The following GXYLT2 variants were observed in gnomAD, a reference collection of about 807,000 sequenced individuals.
GXYLT2 encodes the protein glycosyltransferase 8 domain containing 4.
In GXYLT2, 53 loss-of-function variants were observed where a neutral mutation model predicts 45.8. The observed-to-expected ratio is 1.16, with a 90% CI of 0.93 to 1.46. The LOEUF is 1.46. Among genes scored for constraint, GXYLT2 ranks in the 40% most tolerant of loss-of-function variants. The pLI, the probability that GXYLT2 is intolerant of heterozygous loss-of-function variation, is 0.00. For missense variants in GXYLT2, 551 were observed against 544.4 expected (o/e 1.01, Z -0.12); for synonymous variants, 219 against 214.2 (o/e 1.02, Z -0.19).
intron 3 of GXYLT2, among the ~76,000 whole-genome samples, chr3:72,953,331 A>G (rs2107139170): frequency 6.6e-6 from 1 of 152,140 alleles, no homozygotes; most frequent in Non-Finnish European, 1.5e-5. Context: ...TCTCTGTCGC[A>G]CAGGCTGGAG....
chr3:72,899,641 C>G (rs771479509), intron 1 of GXYLT2, among the ~76,000 whole-genome samples: 2 of 152,108 alleles, frequency 1.3e-5, no homozygotes, highest in Non-Finnish European at 2.9e-5. Flanking sequence ...CTCTCAACTG[C>G]CAACACTTGA....
intron 1 of GXYLT2, among the ~76,000 whole-genome samples, chr3:72,892,311 A>T (rs1484736423): frequency 6.6e-6 from 1 of 152,070 alleles, no homozygotes; most frequent in Admixed American, 6.6e-5. Context: ...GCTCTTACTG[A>T]TTACTCAACC....
intron 5 of GXYLT2, among the ~76,000 whole-genome samples, chr3:72,958,580 A>G (rs1169811599): frequency 6.6e-6 from 1 of 151,742 alleles, no homozygotes; most frequent in Non-Finnish European, 1.5e-5. Flanking sequence ...AAGATTCCCA[A>G]TACCAATTTA....
chr3:72,952,272 G>A (rs1001422559), intron 3 of GXYLT2, among the ~76,000 whole-genome samples: 3 of 152,042 alleles, frequency 2.0e-5, no homozygotes, highest in African/African-American at 7.2e-5. Flanking sequence ...CAGGCACCGT[G>A]CCTGGCTTAG....
chr3:72,970,987 C>T (rs1710977832), intron 6 of GXYLT2, among the ~76,000 whole-genome samples: 1 of 152,222 alleles, frequency 6.6e-6, no homozygotes, highest in Non-Finnish European at 1.5e-5. Flanking sequence ...TTTAATTATG[C>T]AGAAAATTTG....
At chr3:72,965,469 T>C (rs1416205977) in intron 5 of GXYLT2, among the ~76,000 whole-genome samples, 1 of 152,204 alleles carries the variant, frequency 6.6e-6, no homozygotes, top group Non-Finnish European at 1.5e-5. Context: ...AGGGTCTTTC[T>C]CATGATCAGC....
At position 72,922,226 on chromosome 3, in the gene GXYLT2, A is replaced by C. The variant is rs930567413; in HGVS notation, c.491A>C (p.Tyr164Ser). Residue 164 changes from tyrosine (Y) to serine (S), a missense_variant, in exon 3 of 7, where the codon TAT (tyrosine) becomes TCT (serine). Transcript: ENST00000389617. ...CAGTTACGCCAGTGGCCTGACTCAT[A>C]TACAAAGAAGTTTGAGCACAGAATC... is the stretch of plus-strand genomic sequence containing the variant. ...DKQLRQWPDSYTKKFEHRIYP... is the reference protein window; with the variant it reads ...DKQLRQWPDSSTKKFEHRIYP... The C allele has an allele frequency of 1.2e-6, 2 of 1,613,578 alleles. No individual in the cohort carries two copies. The highest frequency in any genetic ancestry group is 2.7e-5 in the African/African-American group (2 of 74,870).
rs147624544 is a variant in GXYLT2, at chr3:72,897,500, A to G, written c.275+8992A>G. Reference sequence around the variant, plus strand: ...TGTGTTTCCAATCACCGATGGCTACAAGTGAAATGTGCTTACAGCTGGTGG... The same window carrying G: ...TGTGTTTCCAATCACCGATGGCTACGAGTGAAATGTGCTTACAGCTGGTGG... On this transcript the variant is annotated intron_variant, in intron 1 of 6. Transcript: ENST00000389617. Among the ~76,000 whole-genome samples, 224 of 152,320 alleles carry G rather than the reference A, an allele frequency of 1.5e-3. 1 individual carries two copies. The highest frequency in any genetic ancestry group is 5.1e-3 in the African/African-American group (211 of 41,576).
intron 6 of GXYLT2, among the ~76,000 whole-genome samples, chr3:72,972,071 TC>T (rs1486727458): frequency 6.6e-6 from 1 of 152,196 alleles, no homozygotes; most frequent in Non-Finnish European, 1.5e-5. Context: ...TATACCTTTT[TC>T]TTTTTCTCCC....
intron 3 of GXYLT2, among the ~76,000 whole-genome samples, chr3:72,947,565 G>A (rs767930050): frequency 2.0e-5 from 3 of 152,066 alleles, no homozygotes; most frequent in Non-Finnish European, 2.9e-5. Context: ...TTTGGGAGGT[G>A]GAGATGGGTG....
At chr3:72,952,617 G>A (rs1412007540) in intron 3 of GXYLT2, among the ~76,000 whole-genome samples, 2 of 152,134 alleles carry the variant, frequency 1.3e-5, no homozygotes, top group Non-Finnish European at 1.5e-5. Context: ...TCTGGAGGCT[G>A]GAAGTCTGAG....
chr3:72,936,014 G>A (rs1182190388), intron 3 of GXYLT2, among the ~76,000 whole-genome samples: 1 of 152,278 alleles, frequency 6.6e-6, no homozygotes, highest in Admixed American at 6.5e-5. Context: ...GAAGCCCGCC[G>A]GGCGCGGTGG....
intron 1 of GXYLT2, among the ~76,000 whole-genome samples, chr3:72,906,290 T>TC (rs1709508816): frequency 6.6e-6 from 1 of 152,066 alleles, no homozygotes; most frequent in South Asian, 2.1e-4. Context: ...TGTTCTGCTG[T>TC]CCCCTCTGCG....
Position 72,957,227 on chromosome 3 carries a change from A to G in GXYLT2, c.853-2A>G, listed in dbSNP as rs761892777. The G allele has an allele frequency of 8.1e-6, 13 of 1,605,086 alleles. No homozygotes were observed. The highest frequency in any genetic ancestry group is 1.7e-5 in the Admixed American group (1 of 57,470). The stretch of plus-strand genomic sequence containing the variant: ...CTGTTCTGATGGTTTTCTTTTTTCC[A>G]GAACAGCATGATTCCAACAGGCCTG... On this transcript the variant is annotated splice_acceptor_variant, in intron 4 of 6. Transcript: ENST00000389617. LOFTEE classifies it high-confidence loss of function.
intron 1 of GXYLT2, among the ~76,000 whole-genome samples, chr3:72,893,457 T>G (rs1187137720): frequency 6.6e-6 from 1 of 152,176 alleles, no homozygotes; most frequent in African/African-American, 2.4e-5. Context: ...TCTCCATCAC[T>G]CTCTTCTTCC....
intron 1 of GXYLT2, chr3:72,908,109 G>T: frequency 2.8e-6 from 1 of 357,806 alleles, no homozygotes; most frequent in Non-Finnish European, 5.0e-6. Flanking sequence ...CCAGACAGCT[G>T]AGTGCTGGCA....
chr3:72,929,065 G>A (rs1709975537), intron 3 of GXYLT2: 1 of 1,585,984 alleles, frequency 6.3e-7, no homozygotes, highest in African/African-American at 1.3e-5. Flanking sequence ...CCACCTCGCA[G>A]GTGCGCCAGA....
chr3:72,892,145 C>G (rs550698978), intron 1 of GXYLT2, among the ~76,000 whole-genome samples: 18 of 152,216 alleles, frequency 1.2e-4, no homozygotes, highest in Admixed American at 1.1e-3. Context: ...CAAGTTAATC[C>G]AAAAGTTGTC....
At chr3:72,919,632 A>G (rs1177766617) in intron 2 of GXYLT2, among the ~76,000 whole-genome samples, 1 of 152,212 alleles carries the variant, frequency 6.6e-6, no homozygotes, top group Non-Finnish European at 1.5e-5. Flanking sequence ...GCAGTCACCT[A>G]TAATTCCAGC....
Sources: gnomAD v4.1 joint callset for allele counts (sites outside exome capture counted in the v4.1 genomes callset) on GRCh38, gnomAD v4.1.1 for gene constraint, MANE v1.5 for transcripts, NCBI Gene and HGNC (gene_info 2026-07-23, HGNC 2026-07-21) for gene names.